Variants in LZTFL1 observed in about 807,000 individuals in gnomAD.
LZTFL1 encodes the protein leucine zipper transcription factor-like protein 1.
In LZTFL1, 25 loss-of-function variants were observed where a neutral mutation model predicts 45.9. The observed-to-expected ratio is 0.54, with a 90% CI of 0.40 to 0.76. LZTFL1 has a LOEUF of 0.76. Among genes scored for constraint, LZTFL1 ranks in the 30% least tolerant of loss-of-function variants. The probability of loss-of-function intolerance (pLI) is 0.00; values close to 1 mark genes in which losing one functional copy is unlikely to be tolerated. For missense variants in LZTFL1, 277 were observed against 331.1 expected (o/e 0.84, Z 1.27); for synonymous variants, 93 against 117.4 (o/e 0.79, Z 1.35).
intron 4 of LZTFL1, among the ~76,000 whole-genome samples, chr3:45,849,333 T>C (rs991793549): frequency 6.6e-6 from 1 of 152,162 alleles, no homozygotes; most frequent in Non-Finnish European, 1.5e-5. Context: ...CACCAATACC[T>C]GAAACAGCCC....
chr3:45,848,286 A>G (rs1184634688), intron 4 of LZTFL1, among the ~76,000 whole-genome samples: 3 of 152,196 alleles, frequency 2.0e-5, no homozygotes, highest in Middle Eastern at 3.2e-3. Flanking sequence ...CTTTTTTACA[A>G]TGGTCCTTAT....
intron 2 of LZTFL1, among the ~76,000 whole-genome samples, chr3:45,866,035 G>C (rs1269556055): frequency 6.6e-6 from 1 of 152,178 alleles, no homozygotes; most frequent in African/African-American, 2.4e-5. Flanking sequence ...CCAGACAAAA[G>C]AGTATTTGCT....
chr3:45,881,429 G>A (rs1181954528), intron 2 of LZTFL1, among the ~76,000 whole-genome samples: 8 of 152,092 alleles, frequency 5.3e-5, no homozygotes, highest in Admixed American at 2.0e-4. Context: ...GGCAGCTCCT[G>A]AGGGGCACTT....
At chr3:45,889,767 C>A (rs1185655890) in intron 2 of LZTFL1, among the ~76,000 whole-genome samples, 1 of 151,436 alleles carries the variant, frequency 6.6e-6, no homozygotes, top group Non-Finnish European at 1.5e-5. Context: ...GACCTCTTTT[C>A]TATCAGCATG....
At chr3:45,891,478 C>T (rs777960463) in intron 2 of LZTFL1, among the ~76,000 whole-genome samples, 5 of 152,056 alleles carry the variant, frequency 3.3e-5, no homozygotes, top group Admixed American at 1.3e-4. Context: ...GCATTTTTTG[C>T]TTATTTTTTG....
chr3:45,841,519 C>T (rs984363898), intron 1 of LZTFL1, among the ~76,000 whole-genome samples: 3 of 152,236 alleles, frequency 2.0e-5, no homozygotes, highest in African/African-American at 7.2e-5. Context: ...CCCTGCTCCT[C>T]TGGTTACCGC....
rs183181974 is a variant in LZTFL1 at position 45,838,761 on chromosome 3, G to A, written c.4-710C>T. Among the ~76,000 whole-genome samples the A allele has an allele frequency of 1.1e-3, 170 of 152,312 alleles. 1 individual carries two copies. The highest frequency in any genetic ancestry group is 3.4e-3 in the Middle Eastern group (1 of 294). ...GAGCAAGGCATCAGCCATGTTAGTT[G>A]GATTTGTAATTAAGCTGCTGATGAG... is the stretch of plus-strand genomic sequence containing the variant. On this transcript the variant is annotated intron_variant, in intron 1 of 9. Coordinates refer to ENST00000296135, the MANE Select transcript of LZTFL1 (RefSeq NM_020347.4).
At chr3:45,886,284 T>A (rs561111416) in intron 2 of LZTFL1, among the ~76,000 whole-genome samples, 9 of 152,312 alleles carry the variant, frequency 5.9e-5, no homozygotes, top group African/African-American at 1.9e-4. Flanking sequence ...ATTTCCCCAT[T>A]CCCTGTAAGC....
chr3:45,890,033 A>T (rs544774659), intron 2 of LZTFL1, among the ~76,000 whole-genome samples: 4 of 150,716 alleles, frequency 2.7e-5, no homozygotes, highest in African/African-American at 9.8e-5. Flanking sequence ...ACATAAATTT[A>T]TACTCCTCAC....
At chr3:45,915,600 G>GCAAAA (rs1702883901) in exon 1 of LZTFL1, 1 of 441,172 alleles carries the variant, frequency 2.3e-6, no homozygotes. Flanking sequence ...ACTTCCTTTT[G>GCAAAA]GTAAGGACAC....
exon 1 of LZTFL1, chr3:45,915,429 C>T (rs1203103537): frequency 9.0e-6 from 4 of 443,792 alleles, no homozygotes; most frequent in Admixed American, 2.4e-5. Context: ...ACCTGGAAGA[C>T]GGACGTTTTG....
At chr3:45,897,489 C>A (rs190161521) in intron 2 of LZTFL1, 2 of 916,616 alleles carry the variant, frequency 2.2e-6, no homozygotes, top group Admixed American at 2.0e-5. Context: ...GCCTGCTCAC[C>A]GGGCAGTGGA....
At position 45,901,406 on chromosome 3, in the gene LZTFL1, G is replaced by C. The variant is rs148893037; in HGVS notation, c.-215+11714C>G. 1 of 1,614,198 alleles carries C rather than the reference G, an allele frequency of 6.2e-7. No individual in the cohort carries two copies. Among genetic ancestry groups the C allele is most frequent in the Non-Finnish European group, 8.5e-7 (1 of 1,180,038 alleles). ...GCACCATGGTTTACCCTAGCGATGAGAGCACCAAACTGAAGTCAGCTGTCT... is the reference window on the plus strand; with the variant it reads ...GCACCATGGTTTACCCTAGCGATGACAGCACCAAACTGAAGTCAGCTGTCT... On this transcript the variant is annotated intron_variant, in intron 2 of 4. Transcript: ENST00000472635. This position sits in a 1 kb window ranked among gnomAD's most constrained non-coding sequence, Gnocchi z 4.3.
Position 45,828,439 on chromosome 3 carries a change from C to T in LZTFL1, c.777G>A (p.Lys259=), listed in dbSNP as rs1241589396. Reference sequence around the variant, plus strand: ...AATCCCTTAAACATGGTCTTCTGACCTTTTCAGCCATGTGCAGCTGCTCCT... The same window carrying T: ...AATCCCTTAAACATGGTCTTCTGACTTTTTCAGCCATGTGCAGCTGCTCCT... ...RVQEQLHMAE[K]ELEKKFQQTA... The change falls in exon 8 of 10, where the codon AAG becomes AAA. Residue 259 remains lysine, a splice_region_variant and synonymous_variant. Transcript: ENST00000296135. The T allele has an allele frequency of 6.2e-7, 1 of 1,613,014 alleles. No homozygotes were observed. The highest frequency in any genetic ancestry group is 1.7e-5 in the Admixed American group (1 of 59,648).
chr3:45,915,310 T>G (rs1293846518), intron 1 of LZTFL1: 1 of 326,962 alleles, frequency 3.1e-6, no homozygotes, highest in Non-Finnish European at 6.2e-6. Context: ...TTCTCATCAC[T>G]GCTTTGCTCT....
intron 3 of LZTFL1, chr3:45,855,137 G>A: frequency 1.0e-6 from 1 of 977,044 alleles, no homozygotes. Flanking sequence ...AAAGGGATAT[G>A]ATGAACATCA....
At chr3:45,888,269 C>T (rs942886814) in intron 2 of LZTFL1, among the ~76,000 whole-genome samples, 2 of 152,172 alleles carry the variant, frequency 1.3e-5, no homozygotes, top group African/African-American at 4.8e-5. Context: ...GTTCCCTCCC[C>T]TCGTTGCATG....
intron 2 of LZTFL1, chr3:45,897,712 T>C: frequency 1.0e-6 from 1 of 995,642 alleles, no homozygotes; most frequent in Non-Finnish European, 1.4e-6. Flanking sequence ...AAGTCGTCCC[T>C]TGTGCTTGTC....
rs1294695274 is a variant in LZTFL1 at position 45,901,278 on chromosome 3, T to G, written c.-215+11842A>C. 4 of 1,614,102 alleles carry G rather than the reference T, an allele frequency of 2.5e-6. No homozygotes were observed. Among genetic ancestry groups the G allele is most frequent in the Non-Finnish European group, 3.4e-6 (4 of 1,180,040 alleles). On this transcript the variant is annotated intron_variant, in intron 2 of 4. Coordinates refer to the LZTFL1 transcript ENST00000472635. The surrounding 1 kb of genome is among the most constrained non-coding windows in gnomAD (Gnocchi z 4.3). Reference sequence around the variant, plus strand: ...TACTTGGAGGGAGAAAAGGCTTTTGTACAGCAAAATGGTTTGCTTTACCAT... The same window carrying G: ...TACTTGGAGGGAGAAAAGGCTTTTGGACAGCAAAATGGTTTGCTTTACCAT...
Sources: gnomAD v4.1 joint callset for allele counts (sites outside exome capture counted in the v4.1 genomes callset) on GRCh38, gnomAD v4.1.1 for gene constraint, Gnocchi (gnomAD v3.1) non-coding constraint, MANE v1.5 for transcripts, NCBI Gene and HGNC (gene_info 2026-07-23, HGNC 2026-07-21) for gene names.